ASH2L: variants seen among roughly 807,000 people sequenced by gnomAD.
ASH2L encodes set1/Ash2 histone methyltransferase complex subunit ASH2.
In ASH2L, 30 loss-of-function variants were observed where a neutral mutation model predicts 81.1. The observed-to-expected ratio is 0.37, with a 90% CI of 0.28 to 0.50. The LOEUF is 0.50. ASH2L is among the 20% of genes least tolerant of loss of function. The probability of loss-of-function intolerance (pLI) is 0.95; values close to 1 mark genes in which losing one functional copy is unlikely to be tolerated. For missense variants in ASH2L, 559 were observed against 792.1 expected (o/e 0.71, Z 3.53); for synonymous variants, 273 against 279.9 (o/e 0.98, Z 0.24).
At chr8:38,121,283 CA>C (rs1811131449) in intron 10 of ASH2L, 134 bp downstream of exon 10, 2 of 588,810 alleles carry the variant, frequency 3.4e-6, no homozygotes, top group Admixed American at 6.5e-5. Flanking sequence ...TAGATTCATC[CA>C]GAATGTGCAA....
chr8:38,113,509 G>A (rs921733463), intron 5 of ASH2L, among the ~76,000 whole-genome samples: 6 of 152,104 alleles, frequency 3.9e-5, no homozygotes, highest in Non-Finnish European at 7.3e-5. Context: ...ATCTAAATAG[G>A]AGGCCAGAAG....
At chr8:38,134,977 C>T (rs561376118) in intron 13 of ASH2L, among the ~76,000 whole-genome samples, 4 of 151,676 alleles carry the variant, frequency 2.6e-5, no homozygotes, top group East Asian at 3.9e-4. Flanking sequence ...AGAACTGACT[C>T]GGGGAAAGGA....
chr8:38,116,594 C>T (rs1810912288), intron 7 of ASH2L, 56 bp from the exon 8 acceptor site: 2 of 1,317,472 alleles, frequency 1.5e-6, no homozygotes, highest in Non-Finnish European at 2.2e-6. Flanking sequence ...GTTTTATGAG[C>T]ATCCAGATTG....
intron 9 of ASH2L, among the ~76,000 whole-genome samples, chr8:38,119,709 G>A (rs1811057870): frequency 6.6e-6 from 1 of 152,054 alleles, no homozygotes; most frequent in African/African-American, 2.4e-5. Flanking sequence ...GGAGGCTGAG[G>A]CAGGAGAATC....
intron 8 of ASH2L, 104 bp downstream of exon 8, chr8:38,116,829 C>G: frequency 1.1e-6 from 1 of 940,396 alleles, no homozygotes; most frequent in Non-Finnish European, 1.6e-6. Context: ...TGGATACTTA[C>G]TAAAATGCTT....
Position 38,110,478 on chromosome 8 carries a change from ACT to A in ASH2L, c.490+14_490+15del. 1.2e-6 allele frequency: 2 copies of A among 1,603,466 alleles called. No homozygotes were observed. The highest frequency in any genetic ancestry group is 1.7e-5 in the Admixed American group (1 of 59,998). On this transcript the variant is annotated intron_variant, in intron 4 of 15. Coordinates refer to ENST00000343823, the MANE Select transcript of ASH2L (RefSeq NM_004674.5). ...TCCGGAAGCAAGCAAGTAAGAACAA[ACT>A]CTGGAGTATTTGAAGATGATTATCC...
chr8:38,127,141 A>G (rs1350588194), intron 10 of ASH2L, among the ~76,000 whole-genome samples: 1 of 145,794 alleles, frequency 6.9e-6, no homozygotes, highest in Non-Finnish European at 1.5e-5. Flanking sequence ...CAGCCTGAGC[A>G]ACAGCATGAG....
intron 14 of ASH2L, among the ~76,000 whole-genome samples, chr8:38,136,471 T>C (rs1802261373): frequency 6.6e-6 from 1 of 151,500 alleles, no homozygotes; most frequent in Admixed American, 6.6e-5. Flanking sequence ...GGTAGATAGA[T>C]ACAGATATAT....
intron 1 of ASH2L, chr8:38,106,146 T>TTGAC (rs1195897998): frequency 6.5e-7 from 1 of 1,530,972 alleles, no homozygotes; most frequent in Non-Finnish European, 8.7e-7. Context: ...CCAGGTAGAT[T>TTGAC]TGACTGTAAA....
intron 11 of ASH2L, 80 bp downstream of exon 11, chr8:38,128,538 G>T (rs1244332438): frequency 1.2e-5 from 18 of 1,541,736 alleles, no homozygotes; most frequent in Non-Finnish European, 1.6e-5. Context: ...CTTCAAGGCT[G>T]TTGGGTTTAC....
intron 8 of ASH2L, chr8:38,117,437 C>T (rs1810952873): frequency 1.0e-6 from 1 of 985,200 alleles, no homozygotes; most frequent in South Asian, 4.7e-5. Context: ...CATGGTGCCA[C>T]TTCTGTTCTT....
At chr8:38,108,534 G>A (rs1585563737) in intron 3 of ASH2L, among the ~76,000 whole-genome samples, 1 of 150,422 alleles carries the variant, frequency 6.6e-6, no homozygotes, top group African/African-American at 2.5e-5. Context: ...AAAAAAAGGT[G>A]GGGGGCCAGG....
At chr8:38,128,550 A>C (rs1801945639) in intron 11 of ASH2L, 92 bp downstream of exon 11, 2 of 1,517,536 alleles carry the variant, frequency 1.3e-6, no homozygotes, top group Non-Finnish European at 1.8e-6. Flanking sequence ...TGGGTTTACC[A>C]GATTGTGGGC....
At chr8:38,121,450 C>G (rs887682472) in intron 10 of ASH2L, among the ~76,000 whole-genome samples, 2 of 148,664 alleles carry the variant, frequency 1.3e-5, no homozygotes, top group African/African-American at 2.5e-5. Flanking sequence ...AGTTTTCTTT[C>G]TCATCAAGCT....
chr8:38,114,492 C>A (rs1810814134), intron 6 of ASH2L, among the ~76,000 whole-genome samples: 1 of 152,078 alleles, frequency 6.6e-6, no homozygotes, highest in Non-Finnish European at 1.5e-5. Flanking sequence ...TGAACATTGC[C>A]CGCATACACC....
chr8:38,120,883 G>T, intron 9 of ASH2L, 49 bp from the exon 10 acceptor site: 1 of 1,508,922 alleles, frequency 6.6e-7, no homozygotes, highest in South Asian at 1.1e-5. Flanking sequence ...GAATGCATTT[G>T]AGCTAAAGGG....
rs1456160212 is a variant in ASH2L at position 38,120,927 on chromosome 8, T to C, written c.948-5T>C. 6.2e-7 allele frequency: 1 copy of C among 1,613,180 alleles called. No homozygotes were observed. The highest frequency in any genetic ancestry group is 1.7e-5 in the Admixed American group (1 of 59,962). The stretch of plus-strand genomic sequence containing the variant: ...TTTTTTGATGTTATTTTTTCCTTTC[T>C]GCAGTGACCCTTTGTTTTCTGCTCA... On this transcript the variant is annotated splice_region_variant and splice_polypyrimidine_tract_variant and intron_variant, in intron 9 of 15. Coordinates refer to ENST00000343823, the MANE Select transcript of ASH2L (RefSeq NM_004674.5).
Position 38,128,424 on chromosome 8 carries a change from T to A in ASH2L, c.1299T>A (p.Asp433Glu). Residue 433 changes from aspartate to glutamate, a missense_variant, in exon 11 of 16, where the codon GAT becomes GAA. Asp to Glu is a conservative substitution (Grantham distance 45, BLOSUM62 2). Coordinates refer to ENST00000343823, the MANE Select transcript of ASH2L (RefSeq NM_004674.5). ...TCACTGTGGATGAGATGCCACCAGA[T>A]ACCGCTGCCAGACTGGGTTGGTCCC... Reference protein sequence around the residue: ...FEITVDEMPPDTAARLGWSQP... With the variant: ...FEITVDEMPPETAARLGWSQP... 6.2e-7 allele frequency: 1 copy of A among 1,614,148 alleles called. No individual in the cohort carries two copies. Among genetic ancestry groups the A allele is most frequent in the Non-Finnish European group, 8.5e-7 (1 of 1,180,030 alleles).
In ASH2L at chr8:38,139,054, C is replaced by A; in HGVS notation, c.1870C>A (p.Pro624Thr). 6.3e-7 allele frequency: 1 copy of A among 1,596,980 alleles called. No homozygotes were observed. Among genetic ancestry groups the A allele is most frequent in the Non-Finnish European group, 8.5e-7 (1 of 1,171,518 alleles). The change falls in exon 16 of 16, where the codon CCC (proline) becomes ACC (threonine). Residue 624 changes from proline to threonine, a missense_variant. Transcript: ENST00000343823. ...GACAGAAGTGGATGGGAGGCGCAGT[C>A]CCCCATGGGAACCCTGACCAGGTCC... is the stretch of plus-strand genomic sequence containing the variant. ...VETEVDGRRS[P>T]PWEP
Sources: gnomAD v4.1 joint callset for allele counts (sites outside exome capture counted in the v4.1 genomes callset) on GRCh38, gnomAD v4.1.1 for gene constraint, MANE v1.5 for transcripts, NCBI Gene and HGNC (gene_info 2026-07-23, HGNC 2026-07-21) for gene names.